The following NECAB2 variants were observed in gnomAD, a reference collection of about 807,000 sequenced individuals.
NECAB2 encodes the protein N-terminal EF-hand calcium-binding protein 2.
NECAB2 carries 68 observed loss-of-function variants against 51.9 expected under a neutral mutation model. The ratio of observed to expected loss-of-function variants is 1.31; its 90% CI spans 1.08 to 1.60. The LOEUF is 1.60. NECAB2 is among the 40% of genes most tolerant of loss of function. NECAB2 has a pLI of 0.00. For synonymous variants in NECAB2, 329 were observed against 203.5 expected (o/e 1.62, Z -5.25); for missense variants, 854 against 490.3 (o/e 1.74, Z -7.00).
intron 5 of NECAB2, among the ~76,000 whole-genome samples, chr16:83,984,122 A>C (rs1482283611): frequency 6.6e-6 from 1 of 150,796 alleles, no homozygotes; most frequent in Non-Finnish European, 1.5e-5. Context: ...CAGCCTCCCG[A>C]GTAGCTGGGA....
At chr16:83,965,445 T>C (rs767931448), upstream of NECAB2, 5 of 1,595,518 alleles carry the variant, frequency 3.1e-6, no homozygotes, top group African/African-American at 4.0e-5. Flanking sequence ...GTCCTCATCA[T>C]TGGCGCGGGG....
chr16:83,965,209 G>T, upstream of NECAB2: 1 of 1,613,114 alleles, frequency 6.2e-7, no homozygotes, highest in Non-Finnish European at 8.5e-7. Flanking sequence ...GCAGCTGTGG[G>T]GCCCAGGACT....
chr16:83,996,911 A>G (rs1176459430), intron 8 of NECAB2, among the ~76,000 whole-genome samples: 1 of 152,084 alleles, frequency 6.6e-6, no homozygotes, highest in Non-Finnish European at 1.5e-5. Context: ...TTTGGGGTGA[A>G]TTATAAGTTA....
intron 11 of NECAB2, 122 bp from the exon 12 acceptor site, chr16:84,001,703 C>G: frequency 1.9e-6 from 2 of 1,038,084 alleles, no homozygotes; most frequent in Non-Finnish European, 2.9e-6. Context: ...GCTCTGAGTC[C>G]AAAGACCCCC....
At position 83,997,276 on chromosome 16, in the gene NECAB2, C is replaced by A. The variant is rs1202128936; in HGVS notation, c.849+7C>A. ...TGAAGATGGCACCAACATGGTGAGG[C>A]CCCTTCCCACCTCTCTTCTGGGACC... is the stretch of plus-strand genomic sequence containing the variant. On this transcript the variant is annotated splice_region_variant and intron_variant, in intron 9 of 12. Coordinates refer to ENST00000305202, the MANE Select transcript of NECAB2 (RefSeq NM_019065.3). 5.6e-6 allele frequency: 9 copies of A among 1,613,950 alleles called. No individual in the cohort carries two copies. The highest frequency in any genetic ancestry group is 4.5e-5 in the East Asian group (2 of 44,870).
upstream of NECAB2, chr16:83,966,217 T>C (rs2084278722): frequency 8.9e-6 from 5 of 563,098 alleles, no homozygotes; most frequent in East Asian, 1.5e-4. Context: ...AGGGTTGGCC[T>C]AGACCTGGGA....
chr16:83,997,356 C>A (rs897122992), intron 9 of NECAB2, 87 bp downstream of exon 9: 2 of 1,527,440 alleles, frequency 1.3e-6, no homozygotes, highest in East Asian at 2.3e-5. Context: ...TGCCCCTGAC[C>A]CCGCTCTCCC....
Position 84,002,299 on chromosome 16 carries a change from C to G in NECAB2, c.1133-19C>G. 1 of 1,613,804 alleles carries G rather than the reference C, an allele frequency of 6.2e-7. No homozygotes were observed. Among genetic ancestry groups the G allele is most frequent in the Non-Finnish European group, 8.5e-7 (1 of 1,179,778 alleles). ...CCACATTCGCACTCCTTCCCTCTAA[C>G]GTGTCTCTCTCCTTTTAGCTGCTTG... On this transcript the variant is annotated intron_variant, in intron 12 of 12. Transcript: ENST00000305202.
chr16:83,983,312 A>C (rs1353759739), intron 5 of NECAB2, among the ~76,000 whole-genome samples: 1 of 152,120 alleles, frequency 6.6e-6, no homozygotes, highest in African/African-American at 2.4e-5. Context: ...TCTGCATTCT[A>C]ACACGTGCCC....
intron 2 of NECAB2, among the ~76,000 whole-genome samples, chr16:83,977,328 G>T (rs13337627): frequency 0.27 from 40,487 of 151,910 alleles, 9,694 homozygotes; most frequent in African/African-American, 0.65. Flanking sequence ...CAGGGCAGGT[G>T]GGGGATGAGC....
intron 2 of NECAB2, among the ~76,000 whole-genome samples, chr16:83,972,503 C>T (rs1461659240): frequency 4.6e-5 from 7 of 152,216 alleles, no homozygotes; most frequent in Non-Finnish European, 2.9e-5. Context: ...CCAGAGGAGC[C>T]CGGGCTGGGG....
chr16:83,976,323 T>C (rs140618627), intron 2 of NECAB2, among the ~76,000 whole-genome samples: 11 of 152,216 alleles, frequency 7.2e-5, no homozygotes, highest in Admixed American at 2.6e-4. Flanking sequence ...CTGTAGGACC[T>C]AGGCAAGTAC....
chr16:83,972,629 C>T (rs1196518004), intron 2 of NECAB2, among the ~76,000 whole-genome samples: 1 of 152,214 alleles, frequency 6.6e-6, no homozygotes, highest in Non-Finnish European at 1.5e-5. Context: ...TCTGTTGACA[C>T]CATAGCAGCC....
intron 8 of NECAB2, among the ~76,000 whole-genome samples, chr16:83,996,331 AC>A (rs766331103): frequency 3.0e-4 from 45 of 152,144 alleles, no homozygotes; most frequent in Non-Finnish European, 5.6e-4. Context: ...AGAAGGCAGT[AC>A]CCTTGCCAGG....
intron 9 of NECAB2, among the ~76,000 whole-genome samples, chr16:83,997,737 C>T (rs982556834): frequency 2.6e-5 from 4 of 152,046 alleles, no homozygotes; most frequent in African/African-American, 4.8e-5. Context: ...TCATGATCTG[C>T]CCACCTTGGC....
chr16:83,997,161 C>G (rs985758446), intron 8 of NECAB2, 55 bp from the exon 9 acceptor site: 9 of 1,611,520 alleles, frequency 5.6e-6, no homozygotes, highest in East Asian at 2.2e-5. Context: ...CTCCTGGCTC[C>G]CCGGGGCGGA....
chr16:83,984,294 G>T (rs1417131200), intron 5 of NECAB2, among the ~76,000 whole-genome samples: 3 of 151,376 alleles, frequency 2.0e-5, no homozygotes, highest in Non-Finnish European at 4.4e-5. Context: ...CGCGCCCGGC[G>T]GAATATTTTT....
At chr16:83,993,510 T>C (rs906363705) in intron 6 of NECAB2, 2 of 154,200 alleles carry the variant, frequency 1.3e-5, no homozygotes, top group Admixed American at 6.5e-5. Context: ...AGTGTCTGTG[T>C]TTCTGTATGT....
At position 83,968,372 on chromosome 16, in the gene NECAB2, C is replaced by A. The variant is rs1311223826; in HGVS notation, c.-277C>A. On this transcript the variant is annotated 5_prime_UTR_variant, in exon 1 of 13. Coordinates refer to ENST00000305202, the MANE Select transcript of NECAB2 (RefSeq NM_019065.3). Reference sequence around the variant, plus strand: ...CATACCCCTCCCCTCCGGGTAGCCCCCTCTGTGGCTGCGCCCGCGCCCCTC... The same window carrying A: ...CATACCCCTCCCCTCCGGGTAGCCCACTCTGTGGCTGCGCCCGCGCCCCTC... Among the ~76,000 whole-genome samples the A allele has an allele frequency of 6.6e-6, 1 of 150,544 alleles. No individual in the cohort carries two copies. Among genetic ancestry groups the A allele is most frequent in the Non-Finnish European group, 1.5e-5 (1 of 67,548 alleles).
Sources: allele counts gnomAD v4.1 joint callset (sites outside exome capture counted in the v4.1 genomes callset), GRCh38; gene constraint gnomAD v4.1.1; transcripts MANE v1.5; gene names NCBI Gene and HGNC (gene_info 2026-07-23, HGNC 2026-07-21).